The following CIBAR2 variants were observed in gnomAD, a reference collection of about 807,000 sequenced individuals.
CIBAR2 encodes the protein CBY1 interacting BAR domain containing 2, also known as CBY1-interacting BAR domain-containing protein 2.
In CIBAR2, 38 loss-of-function variants were observed where a neutral mutation model predicts 36.2. The ratio of observed to expected loss-of-function variants is 1.05; its 90% CI spans 0.81 to 1.38. CIBAR2 has a LOEUF of 1.38. CIBAR2 is among the 40% of genes most tolerant of loss of function. The pLI, the probability that CIBAR2 is intolerant of heterozygous loss-of-function variation, is 0.00. For missense variants in CIBAR2, 481 were observed against 383.4 expected (o/e 1.25, Z -2.13); for synonymous variants, 182 against 149.5 (o/e 1.22, Z -1.58).
In CIBAR2 at chr16:85,107,946, G is replaced by C. The variant is rs1037408892; in HGVS notation, c.326C>G (p.Ala109Gly). ...LYGAQIKQTRAEIKKFKHVQN... is the reference protein window; with the variant it reads ...LYGAQIKQTRGEIKKFKHVQN... ...GACATGTTTGAATTTCTTGATCTCA[G>C]CCTGCAGAAAAGGAGGAGGGTTGTT... Residue 109 changes from alanine (A) to glycine (G), a missense_variant and splice_region_variant, in exon 4 of 9, where the codon GCT (alanine) becomes GGT (glycine). Ala to Gly is a moderately conservative substitution (Grantham distance 60). Coordinates refer to ENST00000539556, the MANE Select transcript of CIBAR2 (RefSeq NM_198491.3). 7.4e-6 allele frequency: 12 copies of C among 1,613,850 alleles called. No homozygotes were observed. The highest frequency in any genetic ancestry group is 6.7e-5 in the African/African-American group (5 of 74,940).
chr16:85,109,744 C>T (rs2074025744), intron 2 of CIBAR2, among the ~76,000 whole-genome samples: 1 of 152,192 alleles, frequency 6.6e-6, no homozygotes, highest in Non-Finnish European at 1.5e-5. Flanking sequence ...GACAGTCTGT[C>T]CACCTAGGCC....
At chr16:85,103,530 G>T (rs1030100420) in intron 6 of CIBAR2, among the ~76,000 whole-genome samples, 15 of 152,172 alleles carry the variant, frequency 9.9e-5, no homozygotes, top group African/African-American at 3.1e-4. Flanking sequence ...CCACTTTTAA[G>T]CTGTGCTTCT....
chr16:85,104,753 G>A (rs993683450), intron 6 of CIBAR2, among the ~76,000 whole-genome samples: 5 of 152,150 alleles, frequency 3.3e-5, no homozygotes, highest in African/African-American at 1.2e-4. Context: ...ATGGTGGTGT[G>A]CACCTTTGGA....
intron 7 of CIBAR2, among the ~76,000 whole-genome samples, chr16:85,101,001 G>C (rs1461079566): frequency 6.6e-6 from 1 of 151,374 alleles, no homozygotes; most frequent in Non-Finnish European, 1.5e-5. Context: ...AGCCGAGATA[G>C]TGCCACTGCA....
intron 8 of CIBAR2, 43 bp downstream of exon 8, chr16:85,100,096 C>A (rs1211517828): frequency 4.0e-6 from 6 of 1,496,438 alleles, no homozygotes. Flanking sequence ...CCAGGCCGTG[C>A]ACGACATTTT....
At chr16:85,105,470 G>T in intron 5 of CIBAR2, 39 bp from the exon 6 acceptor site, 2 of 1,482,778 alleles carry the variant, frequency 1.3e-6, no homozygotes, top group Non-Finnish European at 1.9e-6. Context: ...GTGTCATGGG[G>T]GTGCTTCTGG....
At position 85,098,561 on chromosome 16, in the gene CIBAR2, G is replaced by A. The variant is rs138436886; in HGVS notation, c.*624C>T. ...TAAGTTCTTCTGACTGTTGTGGGCA[G>A]TTCTCTCTTATGGGGTCCCTGCCCC... is the stretch of plus-strand genomic sequence containing the variant. On this transcript the variant is annotated 3_prime_UTR_variant, in exon 9 of 9. Coordinates refer to ENST00000539556, the MANE Select transcript of CIBAR2 (RefSeq NM_198491.3). The A allele has an allele frequency of 4.8e-4, 469 of 986,002 alleles. 1 individual carries two copies. Among genetic ancestry groups the A allele is most frequent in the Middle Eastern group, 4.2e-3 (8 of 1,914 alleles). 61.1% of individuals were successfully genotyped at this position (986,002 alleles called of 1,614,324 possible).
rs1399508769 is a variant in CIBAR2, at chr16:85,112,440, T to C, written c.-88A>G. The C allele has an allele frequency of 1.5e-6, 2 of 1,349,044 alleles. No individual in the cohort carries two copies. Among genetic ancestry groups the C allele is most frequent in the Non-Finnish European group, 2.1e-6 (2 of 942,336 alleles). 83.6% of individuals were successfully genotyped at this position (1,349,044 alleles called of 1,614,324 possible). The stretch of plus-strand genomic sequence containing the variant: ...AGGCCTGGGAGGAGCCGGGCAGGGC[T>C]GGGTGCAGCTGTGTGGCCTGGGCTC... On this transcript the variant is annotated 5_prime_UTR_variant, in exon 1 of 9. Coordinates refer to ENST00000539556, the MANE Select transcript of CIBAR2 (RefSeq NM_198491.3).
Position 85,112,275 on chromosome 16 carries a change from G to T in CIBAR2, c.20+58C>A. On this transcript the variant is annotated intron_variant, in intron 1 of 8. Transcript: ENST00000539556. ...CTGCCCTCATCTTTGTTGGTGCCCC[G>T]GGCCTCAAAACCCGACTTCCACCTC... 4 of 1,354,698 alleles carry T rather than the reference G, an allele frequency of 3.0e-6. No homozygotes were observed. In the South Asian group the frequency reaches 3.4e-5, roughly 12 times the overall value. 83.9% of individuals were successfully genotyped at this position (1,354,698 alleles called of 1,614,324 possible). A position where few individuals can be genotyped will look rare whatever the true frequency, so the allele number is the denominator to read the frequency against.
At chr16:85,104,109 C>T (rs911870763) in intron 6 of CIBAR2, among the ~76,000 whole-genome samples, 1 of 152,224 alleles carries the variant, frequency 6.6e-6, no homozygotes, top group African/African-American at 2.4e-5. Context: ...CCCGTGGGAG[C>T]AGAGTAGGGT....
At chr16:85,110,686 C>G (rs999575877) in intron 1 of CIBAR2, among the ~76,000 whole-genome samples, 2 of 146,270 alleles carry the variant, frequency 1.4e-5, no homozygotes, top group African/African-American at 5.1e-5. Context: ...TAAATGCGGG[C>G]TTGGCTGCAG....
At chr16:85,109,525 G>T (rs1257453925) in intron 2 of CIBAR2, among the ~76,000 whole-genome samples, 1 of 152,142 alleles carries the variant, frequency 6.6e-6, no homozygotes, top group Non-Finnish European at 1.5e-5. Context: ...TCCATTCTTT[G>T]TTTTTTGGTA....
At position 85,111,935 on chromosome 16, in the gene CIBAR2, G is replaced by A. The variant is rs559937891; in HGVS notation, c.20+398C>T. Among the ~76,000 whole-genome samples the A allele has an allele frequency of 3.3e-5, 5 of 152,352 alleles. No homozygotes were observed. The East Asian group carries it at 7.7e-4, about 24-fold the overall frequency. ...AGAGGAACCAGGCGTGGAAATGAAC[G>A]GGGCAGGGCAGGCAGGTTGTGAGAG... is the stretch of plus-strand genomic sequence containing the variant. On this transcript the variant is annotated intron_variant, in intron 1 of 8. Transcript: ENST00000539556.
At chr16:85,100,713 T>C (rs563181207) in intron 7 of CIBAR2, among the ~76,000 whole-genome samples, 2 of 152,288 alleles carry the variant, frequency 1.3e-5, no homozygotes, top group African/African-American at 4.8e-5. Flanking sequence ...AAATGGAATA[T>C]GGCAAAGCCA....
At chr16:85,100,077 A>G in intron 8 of CIBAR2, 62 bp downstream of exon 8, 1 of 1,310,382 alleles carries the variant, frequency 7.6e-7, no homozygotes, top group Non-Finnish European at 1.1e-6. Context: ...GGTTACTACC[A>G]CGGGCCTTCC....
chr16:85,109,029 G>A (rs972878142), intron 2 of CIBAR2, among the ~76,000 whole-genome samples: 3 of 152,180 alleles, frequency 2.0e-5, no homozygotes, highest in African/African-American at 7.2e-5. Context: ...TCTGGTCTCC[G>A]TGGGAGTTTA....
intron 7 of CIBAR2, 54 bp from the exon 8 acceptor site, chr16:85,100,294 T>C (rs2073945716): frequency 8.2e-6 from 10 of 1,224,980 alleles, no homozygotes; most frequent in South Asian, 8.0e-5. Context: ...ACAGCGTGGG[T>C]TGGGGGAGTG....
intron 2 of CIBAR2, 89 bp from the exon 3 acceptor site, chr16:85,108,188 CCGCG>C: frequency 7.9e-7 from 1 of 1,263,322 alleles, no homozygotes; most frequent in South Asian, 1.4e-5. Flanking sequence ...CACCCGGGAG[CCGCG>C]TGTCCAGAGC....
chr16:85,101,140 G>A (rs1468138116), intron 7 of CIBAR2, among the ~76,000 whole-genome samples: 1 of 152,186 alleles, frequency 6.6e-6, no homozygotes, highest in African/African-American at 2.4e-5. Context: ...CACTGTGGCC[G>A]TAGACCCCGA....
Sources: gnomAD v4.1 joint callset for allele counts (sites outside exome capture counted in the v4.1 genomes callset) on GRCh38, gnomAD v4.1.1 for gene constraint, MANE v1.5 for transcripts, NCBI Gene and HGNC (gene_info 2026-07-23, HGNC 2026-07-21) for gene names.